Variants in FAM161A observed in about 807,000 individuals in gnomAD.
FAM161A encodes the protein FAM161 centrosomal protein A, also known as protein FAM161A.
A neutral mutation model predicts 70.9 loss-of-function variants in FAM161A; 57 were observed. That is an observed-to-expected ratio of 0.80 (90% confidence interval 0.65 to 1.00). The LOEUF (loss-of-function observed/expected upper bound fraction) is 1.00. Among genes scored for constraint, FAM161A ranks in the 50% least tolerant of loss-of-function variants. FAM161A has a pLI of 0.00. For synonymous variants in FAM161A, 299 were observed against 295.7 expected (o/e 1.01, Z -0.12); for missense variants, 880 against 836.0 (o/e 1.05, Z -0.65).
intron 1 of FAM161A, among the ~76,000 whole-genome samples, chr2:61,849,460 T>C (rs1673420580): frequency 6.6e-6 from 1 of 151,586 alleles, no homozygotes; most frequent in African/African-American, 2.4e-5. Context: ...GGCAACATAG[T>C]GAGACCTTTA....
the FAM161A span, among the ~76,000 whole-genome samples, chr2:61,812,159 C>A: frequency 2.6e-5 from 4 of 152,124 alleles, no homozygotes; most frequent in Non-Finnish European, 5.9e-5. Context: ...CCCAGTCACT[C>A]TTCACCCCTT....
intron 4 of FAM161A, among the ~76,000 whole-genome samples, chr2:61,837,976 A>C (rs1347061088): frequency 6.6e-6 from 1 of 152,210 alleles, no homozygotes; most frequent in Non-Finnish European, 1.5e-5. Flanking sequence ...TCCTACTTAA[A>C]CATCAACATT....
At chr2:61,809,593 G>A in the FAM161A span, among the ~76,000 whole-genome samples, 4 of 152,286 alleles carry the variant, frequency 2.6e-5, no homozygotes, top group African/African-American at 9.6e-5. Context: ...AAGGAGATCC[G>A]TAGGGAATTT....
At chr2:61,823,225 C>T (rs1018923604), downstream of FAM161A, among the ~76,000 whole-genome samples, 1 of 150,374 alleles carries the variant, frequency 6.7e-6, no homozygotes, top group East Asian at 2.0e-4. Context: ...CCCAGCTACT[C>T]GGGAGGTGGA....
In FAM161A at chr2:61,836,046, T is replaced by A. The variant is rs372597586; in HGVS notation, c.1815A>T (p.Leu605Phe). Reference sequence around the variant, plus strand: ...TTTCAAATAGCAGTGGCCTCTTTTTTAATTTTTCTTCTCTTTCTTCTAGTT... The same window carrying A: ...TTTCAAATAGCAGTGGCCTCTTTTTAAATTTTTCTTCTCTTTCTTCTAGTT... ...QRELEEREEK[L>F]KKRPLLFERV... Residue 605 changes from leucine to phenylalanine, a missense_variant, in exon 5 of 7, where the codon TTA (leucine) becomes TTT (phenylalanine). Leu to Phe is a conservative substitution (Grantham distance 22). Coordinates refer to ENST00000404929, the MANE Select transcript of FAM161A (RefSeq NM_001201543.2). The A allele has an allele frequency of 2.9e-5, 46 of 1,611,900 alleles. No individual in the cohort carries two copies. Among genetic ancestry groups the A allele is most frequent in the Middle Eastern group, 1.6e-4 (1 of 6,074 alleles).
Position 61,835,897 on chromosome 2 carries a change from G to A in FAM161A, c.1851+113C>T. On this transcript the variant is annotated intron_variant, in intron 5 of 6. Transcript: ENST00000404929. ...TGAAGCCAACACAAACAACAATAATGTATCTCAACAGTTATATAACACATA... is the reference window on the plus strand; with the variant it reads ...TGAAGCCAACACAAACAACAATAATATATCTCAACAGTTATATAACACATA... 5.1e-6 allele frequency: 4 copies of A among 782,586 alleles called. No individual in the cohort carries two copies. In the South Asian group the frequency reaches 6.0e-5, roughly 12 times the overall value. The allele number at this position is 782,586 out of a possible 1,614,324, so 48.5% of individuals were successfully genotyped here. A position where few individuals can be genotyped will look rare whatever the true frequency, so the allele number is the denominator to read the frequency against.
At chr2:61,850,423 G>A (rs962453497) in intron 1 of FAM161A, among the ~76,000 whole-genome samples, 8 of 151,820 alleles carry the variant, frequency 5.3e-5, no homozygotes, top group Non-Finnish European at 7.4e-5. Flanking sequence ...GTGTGCGTTC[G>A]TGTGTATGTG....
the FAM161A span, among the ~76,000 whole-genome samples, chr2:61,811,744 A>T: frequency 1.3e-5 from 2 of 151,700 alleles, no homozygotes; most frequent in Non-Finnish European, 2.9e-5. Context: ...GGGCTCAAGC[A>T]ATCCTCCTGC....
the FAM161A span, among the ~76,000 whole-genome samples, chr2:61,818,681 T>C: frequency 6.6e-6 from 1 of 152,204 alleles, no homozygotes. Context: ...GGGAAGCTCT[T>C]CTTTACAGAG....
Position 61,826,344 on chromosome 2 carries a change from AGCCCT to A in FAM161A, c.*106_*110del, listed in dbSNP as rs754069853. 4.2e-6 allele frequency: 5 copies of A among 1,188,506 alleles called. No individual in the cohort carries two copies. The Admixed American group carries it at 9.8e-5, about 23-fold the overall frequency. 73.6% of individuals were successfully genotyped at this position (1,188,506 alleles called of 1,614,324 possible). ...CAGGCTACAGATGACTTTGATCAAC[AGCCCT>A]GCACATATCAGAAGCGTCCCCACAG... On this transcript the variant is annotated 3_prime_UTR_variant, in exon 7 of 7. Transcript: ENST00000404929.
At chr2:61,815,447 C>T in the FAM161A span, among the ~76,000 whole-genome samples, 1 of 146,612 alleles carries the variant, frequency 6.8e-6, no homozygotes, top group Non-Finnish European at 1.5e-5. Flanking sequence ...CAGGAAAGTG[C>T]GTACAAAGGG....
the FAM161A span, among the ~76,000 whole-genome samples, chr2:61,816,665 C>T: frequency 6.6e-5 from 10 of 151,914 alleles, no homozygotes; most frequent in Admixed American, 5.9e-4. Flanking sequence ...GCGGGGGGGT[C>T]TTGCTATGTT....
At chr2:61,846,038 G>A (rs1157377645) in intron 1 of FAM161A, among the ~76,000 whole-genome samples, 1 of 141,450 alleles carries the variant, frequency 7.1e-6, no homozygotes, top group Non-Finnish European at 1.5e-5. Flanking sequence ...GCAGTAAGCT[G>A]AGATCGAGCC....
chr2:61,804,759 A>G, the FAM161A span, among the ~76,000 whole-genome samples: 1 of 106,046 alleles, frequency 9.4e-6, no homozygotes, highest in African/African-American at 4.1e-5. Context: ...AGAAAGAAAG[A>G]AAAAGAAAGA....
intron 5 of FAM161A, among the ~76,000 whole-genome samples, chr2:61,834,293 C>G (rs1558478887): frequency 1.3e-5 from 2 of 151,968 alleles, no homozygotes; most frequent in Non-Finnish European, 2.9e-5. Context: ...CAAGTGGGAA[C>G]TAAACACTGG....
intron 4 of FAM161A, 134 bp from the exon 5 acceptor site, chr2:61,836,243 T>C: frequency 1.4e-6 from 1 of 724,570 alleles, no homozygotes; most frequent in Non-Finnish European, 2.4e-6. Flanking sequence ...AGCTGACAAA[T>C]CAGAAATTAT....
chr2:61,810,963 T>C, the FAM161A span, among the ~76,000 whole-genome samples: 6 of 152,316 alleles, frequency 3.9e-5, no homozygotes, highest in African/African-American at 1.2e-4. Flanking sequence ...CAGCATCTGC[T>C]AACTTCCCAA....
intron 1 of FAM161A, among the ~76,000 whole-genome samples, chr2:61,847,797 G>A (rs62149864): frequency 0.36 from 55,275 of 151,798 alleles, 10,804 homozygotes; most frequent in East Asian, 0.7. Flanking sequence ...CAAAAAGAAA[G>A]GCAAGGATTT....
intron 5 of FAM161A, among the ~76,000 whole-genome samples, chr2:61,834,167 A>G (rs1188679481): frequency 6.6e-6 from 1 of 152,232 alleles, no homozygotes; most frequent in East Asian, 1.9e-4. Flanking sequence ...AATACTACAC[A>G]GCCATAAAAA....
Sources: allele counts gnomAD v4.1 joint callset (sites outside exome capture counted in the v4.1 genomes callset), GRCh38; gene constraint gnomAD v4.1.1; transcripts MANE v1.5; gene names NCBI Gene and HGNC (gene_info 2026-07-23, HGNC 2026-07-21).